Variants in SEC24D observed in about 807,000 individuals in gnomAD.
The protein encoded by SEC24D is protein transport protein Sec24D.
SEC24D carries 69 observed loss-of-function variants against 116.9 expected under a neutral mutation model. The ratio of observed to expected loss-of-function variants is 0.59; its 90% CI spans 0.49 to 0.72. The LOEUF is 0.72. Among genes scored for constraint, SEC24D ranks in the 30% least tolerant of loss-of-function variants. The pLI, the probability that SEC24D is intolerant of heterozygous loss-of-function variation, is 0.00. For synonymous variants in SEC24D, 405 were observed against 442.8 expected, an observed-to-expected ratio of 0.91 and a Z score of 1.07; for missense variants, 1,131 against 1,264.1, an observed-to-expected ratio of 0.89 and a Z score of 1.60.
intron 8 of SEC24D, among the ~76,000 whole-genome samples, chr4:118,771,081 C>A (rs1727879239): frequency 6.6e-6 from 1 of 152,138 alleles, no homozygotes; most frequent in Non-Finnish European, 1.5e-5. Context: ...TTTGCACTCT[C>A]CAGATGTCAG....
intron 1 of SEC24D, among the ~76,000 whole-genome samples, chr4:118,835,594 C>T (rs1016112579): frequency 6.6e-6 from 1 of 152,182 alleles, no homozygotes; most frequent in East Asian, 1.9e-4. Flanking sequence ...CATTTCCTTC[C>T]TTCAAAAAAG....
chr4:118,803,441 A>G (rs1729538877), intron 7 of SEC24D, among the ~76,000 whole-genome samples: 1 of 152,090 alleles, frequency 6.6e-6, no homozygotes, highest in African/African-American at 2.4e-5. Flanking sequence ...CTTGTGGGTT[A>G]CACTTGCTCA....
rs1223123144 is a variant in SEC24D, at chr4:118,723,486, A to G, written c.*29T>C. The stretch of plus-strand genomic sequence containing the variant: ...CAAGAAGGAGATTATCTCCTTGGAA[A>G]TGCAACATCAATGACAGAGAAGTTT... On this transcript the variant is annotated 3_prime_UTR_variant, in exon 23 of 23. Coordinates refer to ENST00000280551, the MANE Select transcript of SEC24D (RefSeq NM_014822.4). 16 of 1,594,538 alleles carry G rather than the reference A, an allele frequency of 1.0e-5. No homozygotes were observed. The highest frequency in any genetic ancestry group is 1.4e-5 in the Non-Finnish European group (16 of 1,171,554).
At chr4:118,777,671 T>C (rs964988808) in intron 8 of SEC24D, among the ~76,000 whole-genome samples, 3 of 152,214 alleles carry the variant, frequency 2.0e-5, no homozygotes, top group African/African-American at 7.2e-5. Flanking sequence ...TTCTAGATCC[T>C]TGAGGAATCA....
chr4:118,752,165 A>G, intron 12 of SEC24D, 76 bp from the exon 13 acceptor site: 1 of 952,244 alleles, frequency 1.1e-6, no homozygotes, highest in Admixed American at 2.0e-5. Flanking sequence ...AATCACTAAC[A>G]TTTCAAGCCT....
chr4:118,785,129 A>C (rs538605014), intron 8 of SEC24D, among the ~76,000 whole-genome samples: 2 of 152,288 alleles, frequency 1.3e-5, no homozygotes, highest in African/African-American at 4.8e-5. Flanking sequence ...ATTGTCAATT[A>C]CTTTCTTATC....
At chr4:118,739,361 A>G in intron 17 of SEC24D, 74 bp from the exon 18 acceptor site, 3 of 1,435,798 alleles carry the variant, frequency 2.1e-6, no homozygotes, top group South Asian at 2.5e-5. Context: ...TCTTACTTGC[A>G]TTTACAAAAC....
chr4:118,829,539 G>A (rs1030132845), intron 2 of SEC24D, among the ~76,000 whole-genome samples: 12 of 152,228 alleles, frequency 7.9e-5, no homozygotes, highest in Middle Eastern at 6.8e-3. Context: ...GGGGCCAGGC[G>A]CGGTGGCTCA....
chr4:118,746,224 T>TGGGGGAGG (rs1553923435), intron 13 of SEC24D, among the ~76,000 whole-genome samples: 1 of 4,438 alleles, frequency 2.3e-4, no homozygotes, highest in Non-Finnish European at 4.8e-4. Flanking sequence ...GAGGGGAGGT[T>TGGGGGAGG]GGGGGAGGGA....
At chr4:118,822,311 T>C (rs1158521418) in intron 3 of SEC24D, among the ~76,000 whole-genome samples, 1 of 152,184 alleles carries the variant, frequency 6.6e-6, no homozygotes, top group African/African-American at 2.4e-5. Flanking sequence ...GTCCTGACTC[T>C]AGAGTCCTCT....
chr4:118,803,186 G>T (rs984354333), intron 7 of SEC24D, among the ~76,000 whole-genome samples: 4 of 152,024 alleles, frequency 2.6e-5, no homozygotes, highest in Non-Finnish European at 4.4e-5. Context: ...AGAATGATTT[G>T]GTTGCACAAC....
chr4:118,811,309 T>A (rs772894741), intron 6 of SEC24D, among the ~76,000 whole-genome samples: 8 of 152,222 alleles, frequency 5.3e-5, no homozygotes, highest in Non-Finnish European at 1.0e-4. Context: ...CTGACGAGAA[T>A]GATCTAGACA....
chr4:118,768,202 T>C lies in SEC24D; in HGVS notation c.1151A>G (p.Gln384Arg). Residue 384 changes from glutamine (Q) to arginine (R), a missense_variant, in exon 9 of 23, where the codon CAG becomes CGG. Physicochemically the swap from Gln to Arg is conservative, Grantham distance 43. Transcript: ENST00000280551. The part of the protein sequence containing the change: ...MQFIEGGRRY[Q>R]CGFCNCVNDV... ...ATTCACACAGTTGCAAAATCCACACTGATATCTCCTTCCTCCTTCGATGAA... is the reference window on the plus strand; with the variant it reads ...ATTCACACAGTTGCAAAATCCACACCGATATCTCCTTCCTCCTTCGATGAA... The C allele has an allele frequency of 6.2e-7, 1 of 1,613,812 alleles. No individual in the cohort carries two copies. Among genetic ancestry groups the C allele is most frequent in the African/African-American group, 1.3e-5 (1 of 75,018 alleles).
At chr4:118,790,587 T>C (rs186623736) in intron 8 of SEC24D, among the ~76,000 whole-genome samples, 165 of 152,142 alleles carry the variant, frequency 1.1e-3, no homozygotes, top group African/African-American at 3.8e-3. Context: ...TTAAAAGACA[T>C]AAAAATTTAA....
chr4:118,775,997 C>G (rs1578421530), intron 8 of SEC24D, among the ~76,000 whole-genome samples: 1 of 152,072 alleles, frequency 6.6e-6, no homozygotes. Context: ...GTTAGCTTCA[C>G]ATTCACCACT....
intron 13 of SEC24D, among the ~76,000 whole-genome samples, chr4:118,748,083 G>A (rs1042149617): frequency 6.6e-6 from 1 of 152,052 alleles, no homozygotes; most frequent in African/African-American, 2.4e-5. Flanking sequence ...GCCTAACACG[G>A]TGAAACCCCA....
intron 4 of SEC24D, 103 bp downstream of exon 4, chr4:118,817,161 A>G (rs1462286443): frequency 2.2e-6 from 2 of 905,270 alleles, no homozygotes; most frequent in Admixed American, 2.6e-5. Flanking sequence ...ACTTCAACAC[A>G]GTATGCCCTA....
In SEC24D at chr4:118,768,270, G is replaced by T. The variant is rs1443161727; in HGVS notation, c.1083C>A (p.Val361=). The T allele has an allele frequency of 6.2e-7, 1 of 1,613,720 alleles. No individual in the cohort carries two copies. The part of the protein sequence containing the change: ...YLVNHGESGP[V]RCNRCKAYMC... ...TGTAGGCCTTGCACCTGTTGCATCT[G>T]ACTGGTCCACTCTCGCCGTGATTTA... Residue 361 remains valine, a synonymous_variant, in exon 9 of 23, where the codon GTC becomes GTA. Transcript: ENST00000280551.
At chr4:118,810,946 C>A (rs933884167) in intron 6 of SEC24D, among the ~76,000 whole-genome samples, 2 of 152,122 alleles carry the variant, frequency 1.3e-5, no homozygotes, top group African/African-American at 4.8e-5. Context: ...ATCCCAGAAG[C>A]AAAATGTAAA....
Sources: gnomAD v4.1 joint callset for allele counts (sites outside exome capture counted in the v4.1 genomes callset) on GRCh38, gnomAD v4.1.1 for gene constraint, MANE v1.5 for transcripts, NCBI Gene and HGNC (gene_info 2026-07-23, HGNC 2026-07-21) for gene names.